The following DNMT1 variants were observed in gnomAD, a reference collection of about 807,000 sequenced individuals.
DNMT1 encodes the protein DNA methyltransferase 1.
DNMT1 carries 24 observed loss-of-function variants against 205.3 expected under a neutral mutation model. The observed-to-expected ratio is 0.12, with a 90% CI of 0.08 to 0.16. The LOEUF (loss-of-function observed/expected upper bound fraction) is 0.16, where lower values mean the gene tolerates loss of function less well. Ranked by LOEUF, DNMT1 falls within the 10% of genes least tolerant of loss-of-function variation. The pLI is 1.00. For missense variants in DNMT1, 1,293 were observed against 2,177.7 expected (o/e 0.59, Z 8.09); for synonymous variants, 817 against 839.8 (o/e 0.97, Z 0.47).
intron 28 of DNMT1, among the ~76,000 whole-genome samples, chr19:10,145,301 G>A (rs1192611523): frequency 6.6e-6 from 1 of 152,190 alleles, no homozygotes; most frequent in African/African-American, 2.4e-5. Context: ...AAAACACTAC[G>A]GGGAGGTGTC....
intron 17 of DNMT1, among the ~76,000 whole-genome samples, chr19:10,157,093 A>G (rs1291806669): frequency 6.6e-6 from 1 of 152,170 alleles, no homozygotes; most frequent in Non-Finnish European, 1.5e-5. Flanking sequence ...ACCTTCTACT[A>G]TGCAGTGCAG....
Position 10,173,865 on chromosome 19 carries a change from T to C in DNMT1, c.683+6A>G. ...ACAAAAAGAAAGGTATAGTAACTAT[T>C]CTTACCGTTCTCTGGATGTAACTCT... On this transcript the variant is annotated splice_donor_region_variant and intron_variant, in intron 8 of 40. Transcript: ENST00000359526. 1 of 1,613,870 alleles carries C rather than the reference T, an allele frequency of 6.2e-7. No homozygotes were observed. The highest frequency in any genetic ancestry group is 8.5e-7 in the Non-Finnish European group (1 of 1,179,774).
Position 10,163,841 on chromosome 19 carries a change from G to C in DNMT1, c.892-481C>G, listed in dbSNP as rs1379719140. Among the ~76,000 whole-genome samples, 5 of 152,196 alleles carry C rather than the reference G, an allele frequency of 3.3e-5. No homozygotes were observed. In the East Asian group the frequency reaches 7.7e-4, roughly 24 times the overall value. The stretch of plus-strand genomic sequence containing the variant: ...GAGGATTGCTTGATGCCAGGAGTTC[G>C]AGGCCAGCCTGGGCAACATGCTGAG... On this transcript the variant is annotated intron_variant, in intron 11 of 40. Transcript: ENST00000359526.
chr19:10,163,356 T>C lies in DNMT1; in HGVS notation c.896A>G (p.Glu299Gly). The change falls in exon 12 of 41, where the codon GAG becomes GGG. Residue 299 changes from glutamate (E) to glycine (G), a missense_variant. By Grantham distance (98) the Glu-to-Gly change is moderately conservative. Transcript: ENST00000359526. The part of the protein sequence containing the change: ...DEDEDGDEKD[E>G]KKHRSQPKDL... Reference sequence around the variant, plus strand: ...TTTGGGTTGACTTCTGTGCTTCTTCTCATCCTGACAGAAAAATAAGGGGGA... The same window carrying C: ...TTTGGGTTGACTTCTGTGCTTCTTCCCATCCTGACAGAAAAATAAGGGGGA... 6.2e-7 allele frequency: 1 copy of C among 1,613,900 alleles called. No homozygotes were observed. The highest frequency in any genetic ancestry group is 8.5e-7 in the Non-Finnish European group (1 of 1,179,928).
intron 30 of DNMT1, 154 bp from the exon 31 acceptor site, chr19:10,141,343 CA>C: frequency 1.4e-6 from 1 of 730,700 alleles, no homozygotes. Context: ...GACTTTGCTA[CA>C]ATAGAAACTT....
intron 34 of DNMT1, among the ~76,000 whole-genome samples, chr19:10,139,313 C>A (rs2089555502): frequency 6.6e-6 from 1 of 152,208 alleles, no homozygotes; most frequent in Non-Finnish European, 1.5e-5. Context: ...TGGCTCTGCG[C>A]ACCTCACTTC....
intron 5 of DNMT1, 105 bp downstream of exon 5, chr19:10,180,082 G>T: frequency 2.0e-6 from 1 of 496,442 alleles, no homozygotes; most frequent in Non-Finnish European, 3.7e-6. Flanking sequence ...GGGAGGCCAA[G>T]GCAGGTGGAT....
chr19:10,144,180 C>T, intron 28 of DNMT1, 193 bp from the exon 29 acceptor site: 2 of 633,070 alleles, frequency 3.2e-6, no homozygotes, highest in Non-Finnish European at 5.7e-6. Flanking sequence ...GAGACCAAGG[C>T]AGGTGGACCA....
At chr19:10,177,412 T>C (rs1245583143) in intron 5 of DNMT1, 45 bp from the exon 6 acceptor site, 1 of 1,571,040 alleles carries the variant, frequency 6.4e-7, no homozygotes, top group Non-Finnish European at 8.7e-7. Flanking sequence ...AAAAAGCCAC[T>C]ATCAATAGAA....
chr19:10,194,270 G>C (rs1481213828), intron 1 of DNMT1, among the ~76,000 whole-genome samples: 2 of 152,214 alleles, frequency 1.3e-5, no homozygotes, highest in African/African-American at 4.8e-5. Flanking sequence ...TCTCGAACAT[G>C]AGCCAGCCCA....
At chr19:10,187,697 C>T (rs1015670511) in intron 1 of DNMT1, among the ~76,000 whole-genome samples, 2 of 151,636 alleles carry the variant, frequency 1.3e-5, no homozygotes, top group African/African-American at 2.4e-5. Flanking sequence ...CAGCGAGAAC[C>T]TGTCTCTACA....
intron 29 of DNMT1, 90 bp downstream of exon 29, chr19:10,143,676 C>T: frequency 6.9e-7 from 1 of 1,448,208 alleles, no homozygotes; most frequent in East Asian, 2.3e-5. Context: ...ACTCTTAGAA[C>T]AACTGTGGGT....
chr19:10,191,541 A>G (rs1038178181), intron 1 of DNMT1, among the ~76,000 whole-genome samples: 2 of 152,110 alleles, frequency 1.3e-5, no homozygotes, highest in African/African-American at 4.8e-5. Context: ...TGGTATTCCA[A>G]TTCAGCCAAA....
At position 10,140,523 on chromosome 19, in the gene DNMT1, C is replaced by T. The variant is rs1347024746; in HGVS notation, c.3524-195G>A. 3 of 911,164 alleles carry T rather than the reference C, an allele frequency of 3.3e-6. No individual in the cohort carries two copies. The African/African-American group carries it at 5.0e-5, about 15-fold the overall frequency. The allele number at this position is 911,164 out of a possible 1,614,324, so 56.4% of individuals were successfully genotyped here. On this transcript the variant is annotated intron_variant, in intron 32 of 40. Transcript: ENST00000359526. This position sits in a 1 kb window ranked among gnomAD's most constrained non-coding sequence, Gnocchi z 8.4. ...TAGCTGGGACTACAGGCACACACCA[C>T]CACGCCCAGCTAATTTTTGTATTCT...
At chr19:10,177,266 C>G (rs2038954634) in intron 6 of DNMT1, 26 bp downstream of exon 6, 1 of 1,612,104 alleles carries the variant, frequency 6.2e-7, no homozygotes, top group Admixed American at 1.7e-5. Flanking sequence ...CTAAAAAAGG[C>G]AGCCGCCAAT....
intron 27 of DNMT1, among the ~76,000 whole-genome samples, chr19:10,147,840 G>A (rs1004032567): frequency 3.3e-5 from 5 of 151,894 alleles, no homozygotes; most frequent in Admixed American, 6.6e-5. Context: ...CTCGCCGGGC[G>A]CGGTGGCTCA....
chr19:10,142,505 C>G (rs139033484), intron 29 of DNMT1, among the ~76,000 whole-genome samples: 1 of 148,720 alleles, frequency 6.7e-6, no homozygotes, highest in Admixed American at 6.7e-5. Flanking sequence ...GTTAGGGAAT[C>G]GCAGGGTAAA....
chr19:10,138,440 T>A lies in DNMT1; in HGVS notation c.4114A>T (p.Arg1372Trp). 1 of 1,613,946 alleles carries A rather than the reference T, an allele frequency of 6.2e-7. No individual in the cohort carries two copies. The highest frequency in any genetic ancestry group is 8.5e-7 in the Non-Finnish European group (1 of 1,180,020). Residue 1372 changes from arginine (R) to tryptophan (W), a missense_variant and splice_region_variant, in exon 35 of 41, where the codon AGG becomes TGG. Physicochemically the swap from Arg to Trp is moderately radical, Grantham distance 101. Around this residue, in one of 13 missense-constraint regions of DNMT1, gnomAD observed 148 missense variants for 256.1 expected, o/e 0.58. Transcript: ENST00000359526. The surrounding 1 kb of genome is among the most constrained non-coding windows in gnomAD (Gnocchi z 4.1). ...GGAGGAGCGACGGGGGCCACCTACC[T>A]GGTTATGTTGCTCACAAACTTCTTG... ...DDKKFVSNIT[R>W]LSSGPFRTIT... is the part of the protein sequence containing the mutation.
chr19:10,190,835 G>A (rs181491102), intron 1 of DNMT1, among the ~76,000 whole-genome samples: 9 of 151,088 alleles, frequency 6.0e-5, no homozygotes, highest in African/African-American at 1.7e-4. Flanking sequence ...ACAATGAACC[G>A]GCTGGACACC....
Sources: gnomAD v4.1 joint callset for allele counts (sites outside exome capture counted in the v4.1 genomes callset) on GRCh38, gnomAD v4.1.1 for gene constraint, gnomAD v4.1.1 regional missense constraint, Gnocchi (gnomAD v3.1) non-coding constraint, MANE v1.5 for transcripts, NCBI Gene and HGNC (gene_info 2026-07-23, HGNC 2026-07-21) for gene names.